PIK3R3: variants seen among roughly 807,000 people sequenced by gnomAD.
PIK3R3 encodes the protein phosphatidylinositol 3-kinase regulatory subunit gamma.
In PIK3R3, 64 loss-of-function variants were observed where a neutral mutation model predicts 62.9. That is an observed-to-expected ratio of 1.02 (90% CI 0.83 to 1.25). PIK3R3 has a LOEUF of 1.25. PIK3R3 is among the 50% of genes most tolerant of loss of function. The pLI, the probability that PIK3R3 is intolerant of heterozygous loss-of-function variation, is 0.00. For synonymous variants in PIK3R3, 165 were observed against 189.0 expected (o/e 0.87, Z 1.04); for missense variants, 614 against 561.6 (o/e 1.09, Z -0.94).
intron 1 of PIK3R3, among the ~76,000 whole-genome samples, chr1:46,131,360 T>A (rs1655564570): frequency 6.6e-6 from 1 of 152,096 alleles, no homozygotes; most frequent in Non-Finnish European, 1.5e-5. Context: ...ATCACATAAC[T>A]CAGTTTCAGA....
intron 1 of PIK3R3, among the ~76,000 whole-genome samples, chr1:46,110,277 T>C (rs1012923475): frequency 8.6e-4 from 16 of 18,648 alleles, no homozygotes; most frequent in African/African-American, 2.3e-3. Context: ...AGGCTTGGCT[T>C]TTTTTTTTTT....
At chr1:46,095,606 A>T (rs1489234684) in intron 1 of PIK3R3, among the ~76,000 whole-genome samples, 1 of 152,198 alleles carries the variant, frequency 6.6e-6, no homozygotes, top group Non-Finnish European at 1.5e-5. Flanking sequence ...TCACCATGGC[A>T]CATGTTTACC....
chr1:46,144,348 T>C, the PIK3R3 span, among the ~76,000 whole-genome samples: 1 of 152,156 alleles, frequency 6.6e-6, no homozygotes, highest in South Asian at 2.1e-4. Flanking sequence ...CCCAGCTTGG[T>C]TCCTATACTA....
chr1:46,062,124 T>G, intron 5 of PIK3R3, 53 bp from the exon 6 acceptor site: 1 of 1,511,282 alleles, frequency 6.6e-7, no homozygotes, highest in Non-Finnish European at 8.9e-7. Context: ...ATTATTTTCT[T>G]CTAACCTTGG....
At chr1:46,143,708 TC>T in the PIK3R3 span, among the ~76,000 whole-genome samples, 1 of 152,122 alleles carries the variant, frequency 6.6e-6, no homozygotes, top group Non-Finnish European at 1.5e-5. Context: ...GTATCAAATT[TC>T]TGGACTCAAG....
the PIK3R3 span, among the ~76,000 whole-genome samples, chr1:46,147,129 T>C: frequency 1.3e-5 from 2 of 152,142 alleles, no homozygotes; most frequent in African/African-American, 2.4e-5. Flanking sequence ...TTTTTTGAGA[T>C]GGAATCACGC....
At chr1:46,172,231 G>T in the PIK3R3 span, among the ~76,000 whole-genome samples, 1 of 152,172 alleles carries the variant, frequency 6.6e-6, no homozygotes, top group Non-Finnish European at 1.5e-5. Flanking sequence ...GCACTGTGAG[G>T]TGTGGTCCAG....
chr1:46,059,255 C>T lies in PIK3R3; in HGVS notation c.764+2674G>A, dbSNP rs563986520. On this transcript the variant is annotated intron_variant, in intron 6 of 9. Transcript: ENST00000262741. ...AAATCTCTTCTTTCTGTAAACTACC[C>T]CAGTCTCAGGTATGTCTTTATCAGC... Among the ~76,000 whole-genome samples the T allele has an allele frequency of 7.2e-5, 11 of 152,252 alleles. No homozygotes were observed. The South Asian group carries it at 2.3e-3, about 32-fold the overall frequency.
At chr1:46,147,715 A>G in the PIK3R3 span, among the ~76,000 whole-genome samples, 16 of 152,266 alleles carry the variant, frequency 1.1e-4, no homozygotes, top group East Asian at 2.7e-3. Context: ...GTGAGCCACC[A>G]TGCCCAGCCA....
intron 7 of PIK3R3, chr1:46,047,255 T>A (rs1017756769): frequency 1.3e-5 from 2 of 152,136 alleles, no homozygotes; most frequent in Admixed American, 6.5e-5. Context: ...CTGGCCAACA[T>A]AGTGAAACCC....
intron 1 of PIK3R3, among the ~76,000 whole-genome samples, chr1:46,099,828 T>C (rs965841825): frequency 1.3e-5 from 2 of 152,208 alleles, no homozygotes; most frequent in Non-Finnish European, 2.9e-5. Flanking sequence ...TACTCCACTG[T>C]CCACTTAAGT....
At chr1:46,088,150 C>T (rs1651270303) in intron 1 of PIK3R3, among the ~76,000 whole-genome samples, 1 of 152,044 alleles carries the variant, frequency 6.6e-6, no homozygotes, top group Non-Finnish European at 1.5e-5. Context: ...TCTGGGAGGC[C>T]AAGACAGGAG....
At chr1:46,106,919 G>A (rs1178916822) in intron 1 of PIK3R3, among the ~76,000 whole-genome samples, 2 of 152,080 alleles carry the variant, frequency 1.3e-5, no homozygotes, top group Non-Finnish European at 2.9e-5. Context: ...GGGATTACAA[G>A]CACGTGCAAC....
At position 46,132,098 on chromosome 1, in the gene PIK3R3, A is replaced by C; in HGVS notation, c.-146T>G. ...CCAACGGCCAGTACCAGTCCGGCCA[A>C]ACTACCCGAACAGGGTCCTCCCCCT... On this transcript the variant is annotated 5_prime_UTR_variant, in exon 1 of 10. Transcript: ENST00000262741. The C allele has an allele frequency of 1.4e-6, 2 of 1,425,878 alleles. No individual in the cohort carries two copies. Among genetic ancestry groups the C allele is most frequent in the Non-Finnish European group, 1.8e-6 (2 of 1,094,138 alleles). 88.3% of individuals were successfully genotyped at this position (1,425,878 alleles called of 1,614,324 possible).
chr1:46,166,826 C>T, the PIK3R3 span, among the ~76,000 whole-genome samples: 1 of 152,224 alleles, frequency 6.6e-6, no homozygotes, highest in East Asian at 1.9e-4. Context: ...ATTCTACATC[C>T]TCCACCCCAC....
At chr1:46,071,373 C>T (rs991627965) in intron 3 of PIK3R3, among the ~76,000 whole-genome samples, 1 of 152,012 alleles carries the variant, frequency 6.6e-6, no homozygotes, top group Admixed American at 6.6e-5. Flanking sequence ...ATCCTAGATA[C>T]ATTTTTACCT....
At chr1:46,172,951 C>CCACTG in the PIK3R3 span, among the ~76,000 whole-genome samples, 1 of 151,980 alleles carries the variant, frequency 6.6e-6, no homozygotes, top group Non-Finnish European at 1.5e-5. Flanking sequence ...CAAGATTGCG[C>CCACTG]CACTGCACTC....
chr1:46,081,855 A>G (rs1650622480), intron 1 of PIK3R3, among the ~76,000 whole-genome samples: 3 of 152,190 alleles, frequency 2.0e-5, no homozygotes, highest in Non-Finnish European at 2.9e-5. Flanking sequence ...AGAATGGGAG[A>G]GGCTATGTTA....
the PIK3R3 span, among the ~76,000 whole-genome samples, chr1:46,156,121 T>C: frequency 6.6e-6 from 1 of 152,188 alleles, no homozygotes; most frequent in South Asian, 2.1e-4. Flanking sequence ...CACTGAGTTA[T>C]TATGAGCTGT....
Sources: gnomAD v4.1 joint callset for allele counts (sites outside exome capture counted in the v4.1 genomes callset) on GRCh38, gnomAD v4.1.1 for gene constraint, MANE v1.5 for transcripts, NCBI Gene and HGNC (gene_info 2026-07-23, HGNC 2026-07-21) for gene names.